Variants in PLEC observed in about 807,000 individuals in gnomAD.
PLEC encodes the protein hemidesmosomal protein 1.
In PLEC, 216 loss-of-function variants were observed where a neutral mutation model predicts 392.8. That is an observed-to-expected ratio of 0.55 (90% CI 0.49 to 0.62). The LOEUF (loss-of-function observed/expected upper bound fraction) is 0.62, where lower values mean the gene tolerates loss of function less well. Among genes scored for constraint, PLEC ranks in the 20% least tolerant of loss-of-function variants. PLEC has a pLI of 0.00. For synonymous variants in PLEC, 3,621 were observed against 2,980.6 expected, an observed-to-expected ratio of 1.21 and a Z score of -7.00; for missense variants, 6,863 against 6,563.4, an observed-to-expected ratio of 1.05 and a Z score of -1.58.
chr8:143,973,607 C>T (rs1476522919), upstream of PLEC: 45 of 883,080 alleles, frequency 5.1e-5, no homozygotes, highest in Non-Finnish European at 6.0e-5. The surrounding 1 kb of genome is among the most constrained non-coding windows in gnomAD (Gnocchi z 5.6). Context: ...CAGGATGCCC[C>T]ACGGGCGGGG....
chr8:143,939,687 G>C (rs1830064989), upstream of PLEC: 1 of 1,370,596 alleles, frequency 7.3e-7, no homozygotes, highest in Non-Finnish European at 9.5e-7. Context: ...CCGCCAGGGA[G>C]GGGAGTGTCC....
At chr8:143,942,210 G>A (rs1387386579), upstream of PLEC, among the ~76,000 whole-genome samples, 3 of 151,952 alleles carry the variant, frequency 2.0e-5, no homozygotes, top group Admixed American at 6.6e-5. Flanking sequence ...AACAAATGGG[G>A]GTAGGGGAAC....
chr8:143,973,984 C>G (rs1425297300), upstream of PLEC, among the ~76,000 whole-genome samples: 3 of 152,254 alleles, frequency 2.0e-5, no homozygotes, highest in African/African-American at 7.2e-5. The surrounding 1 kb of genome is among the most constrained non-coding windows in gnomAD (Gnocchi z 5.6). Context: ...ACTGGAATAG[C>G]CCATTCACAG....
Position 143,916,231 on chromosome 8 carries a change from G to C in PLEC, c.13590C>G (p.Arg4530=). ...SSYSSSGYGR[R]YASGSSASLG... ...GGGAGGCCGAGGACCCCGAGGCGTA[G>C]CGGCGGCCGTAGCCCGAGGAGGAGT... The change falls in exon 32 of 32, where the codon CGC becomes CGG. Residue 4530 remains arginine, a synonymous_variant. Transcript: ENST00000345136. The C allele has an allele frequency of 1.9e-6, 3 of 1,546,464 alleles. No individual in the cohort carries two copies. The highest frequency in any genetic ancestry group is 2.5e-5 in the East Asian group (1 of 40,768).
upstream of PLEC, chr8:143,958,698 T>G (rs1554739937): frequency 4.4e-6 from 2 of 452,570 alleles, no homozygotes; most frequent in Admixed American, 4.7e-5. The surrounding 1 kb of genome is among the most constrained non-coding windows in gnomAD (Gnocchi z 4.9). Context: ...AGGCACCTGC[T>G]CTGCTGCAGC....
chr8:143,932,744 G>C (rs1554718011), intron 14 of PLEC, 32 bp from the exon 15 acceptor site: 2 of 1,608,366 alleles, frequency 1.2e-6, no homozygotes, highest in Non-Finnish European at 1.7e-6. Context: ...GGTCTGCAGT[G>C]GCTGGGCCCG....
Position 143,927,682 on chromosome 8 carries a change from G to C in PLEC, c.3484C>G (p.Arg1162Gly), listed in dbSNP as rs782789262. 1 of 1,580,602 alleles carries C rather than the reference G, an allele frequency of 6.3e-7. No homozygotes were observed. The highest frequency in any genetic ancestry group is 8.6e-7 in the Non-Finnish European group (1 of 1,163,180). ...ELRGAQEVGE[R>G]LQQRHGERDV... is the part of the protein sequence containing the mutation. Reference sequence around the variant, plus strand: ...CGCTCCCCGTGCCGCTGCTGCAGTCGCTCCCCCACCTCCTGTGCCCCCCGC... The same window carrying C: ...CGCTCCCCGTGCCGCTGCTGCAGTCCCTCCCCCACCTCCTGTGCCCCCCGC... The change falls in exon 27 of 32, where the codon CGA becomes GGA. Residue 1162 changes from arginine (R) to glycine (G), a missense_variant. Coordinates refer to ENST00000345136, the MANE Select transcript of PLEC (RefSeq NM_201384.3).
upstream of PLEC, among the ~76,000 whole-genome samples, chr8:143,941,025 A>C (rs1830363025): frequency 6.6e-6 from 1 of 152,228 alleles, no homozygotes; most frequent in Non-Finnish European, 1.5e-5. Context: ...CGCACTGGTC[A>C]GCACCTCCAG....
intron 1 of PLEC, chr8:143,946,441 G>T: frequency 7.8e-7 from 1 of 1,276,870 alleles, no homozygotes; most frequent in Non-Finnish European, 1.0e-6. Flanking sequence ...GGAGGAAGGC[G>T]AGGCAGGAAG....
In PLEC at chr8:143,922,898, C is replaced by G. The variant is rs782566489; in HGVS notation, c.7031G>C (p.Arg2344Pro). Residue 2344 changes from arginine to proline, a missense_variant, in exon 31 of 32, where the codon CGG becomes CCG. Transcript: ENST00000345136. ...CTGCTCCTTGTCCTCCTGCAGCCGC[C>G]GCGCCTGCTCCTGCGCAAGCTCCTT... ...QQKELAQEQA[R>P]RLQEDKEQMA... 6.3e-7 allele frequency: 1 copy of G among 1,587,748 alleles called. No individual in the cohort carries two copies. Among genetic ancestry groups the G allele is most frequent in the South Asian group, 1.1e-5 (1 of 88,092 alleles).
Position 143,925,339 on chromosome 8 carries a change from C to T in PLEC, c.4590G>A (p.Glu1530=). The change falls in exon 31 of 32, where the codon GAG becomes GAA. Residue 1530 remains glutamate (E), a synonymous_variant. Transcript: ENST00000345136. ...RVKAEAEAAR[E]KQRALQALEE... ...CCAGGGCCTGCAGGGCCCGCTGCTT[C>T]TCGCGCGCCGCCTCGGCCTCGGCCT... 1 of 1,554,544 alleles carries T rather than the reference C, an allele frequency of 6.4e-7. No homozygotes were observed. Among genetic ancestry groups the T allele is most frequent in the African/African-American group, 1.4e-5 (1 of 73,594 alleles).
At chr8:143,950,235 T>C in exon 1 of PLEC, 1 of 1,560,362 alleles carries the variant, frequency 6.4e-7, no homozygotes, top group South Asian at 1.2e-5. Context: ...CGCTGGGTGG[T>C]AGCAGGCACC....
At chr8:143,961,806 C>T (rs1832884929) in intron 1 of PLEC, among the ~76,000 whole-genome samples, 1 of 152,170 alleles carries the variant, frequency 6.6e-6, no homozygotes, top group Non-Finnish European at 1.5e-5. Context: ...TTAACACACA[C>T]TAAAGAACAC....
chr8:143,925,174 G>C lies in PLEC; in HGVS notation c.4755C>G (p.Phe1585Leu). Residue 1585 changes from phenylalanine to leucine, a missense_variant, in exon 31 of 32, where the codon TTC (phenylalanine) becomes TTG (leucine). Coordinates refer to ENST00000345136, the MANE Select transcript of PLEC (RefSeq NM_201384.3). The part of the protein sequence containing the change: ...EAELQSKRAS[F>L]AEKTAQLERS... ...GCTCCAGCTGTGCCGTCTTCTCGGCGAAGGAGGCGCGTTTGCTCTGCAGCT... is the reference window on the plus strand; with the variant it reads ...GCTCCAGCTGTGCCGTCTTCTCGGCCAAGGAGGCGCGTTTGCTCTGCAGCT... 6.4e-7 allele frequency: 1 copy of C among 1,568,172 alleles called. No individual in the cohort carries two copies. The highest frequency in any genetic ancestry group is 2.3e-5 in the East Asian group (1 of 42,768).
At chr8:143,962,330 C>T (rs536366799) in intron 1 of PLEC, among the ~76,000 whole-genome samples, 13 of 152,176 alleles carry the variant, frequency 8.5e-5, no homozygotes, top group African/African-American at 1.7e-4. Context: ...AGGCTCTTCC[C>T]GGGTGCCTTC....
intron 1 of PLEC, among the ~76,000 whole-genome samples, chr8:143,962,911 G>A (rs1832932528): frequency 6.6e-6 from 1 of 152,214 alleles, no homozygotes; most frequent in Non-Finnish European, 1.5e-5. Flanking sequence ...TGGGATATCT[G>A]CAGCCTATTT....
chr8:143,934,216 G>A, intron 11 of PLEC, 102 bp downstream of exon 11: 3 of 1,593,800 alleles, frequency 1.9e-6, no homozygotes, highest in Middle Eastern at 1.7e-4. Context: ...GCGAGTGGGA[G>A]CTTGGGTTCC....
Position 143,917,019 on chromosome 8 carries a change from C to A in PLEC, c.12802G>T (p.Ala4268Ser), listed in dbSNP as rs368980785. 5.6e-6 allele frequency: 9 copies of A among 1,612,192 alleles called. No homozygotes were observed. The African/African-American group carries it at 1.1e-4, about 19-fold the overall frequency. ...ISPAVSRTQL[A>S]SWSDPTEETG... ...TCCTCAGTGGGGTCTGACCAGGAGGCCAGCTGGGTCCTGGAGACGGCGGGG... is the reference window on the plus strand; with the variant it reads ...TCCTCAGTGGGGTCTGACCAGGAGGACAGCTGGGTCCTGGAGACGGCGGGG... The change falls in exon 32 of 32, where the codon GCC becomes TCC. Residue 4268 changes from alanine (A) to serine (S), a missense_variant. Coordinates refer to ENST00000345136, the MANE Select transcript of PLEC (RefSeq NM_201384.3).
At chr8:143,945,626 G>A (rs1334080809) in intron 1 of PLEC, among the ~76,000 whole-genome samples, 1 of 152,184 alleles carries the variant, frequency 6.6e-6, no homozygotes, top group Non-Finnish European at 1.5e-5. Context: ...TACCATGAAG[G>A]CCTCATACAG....
Sources: gnomAD v4.1 joint callset for allele counts (sites outside exome capture counted in the v4.1 genomes callset) on GRCh38, gnomAD v4.1.1 for gene constraint, Gnocchi (gnomAD v3.1) non-coding constraint, MANE v1.5 for transcripts, NCBI Gene and HGNC (gene_info 2026-07-23, HGNC 2026-07-21) for gene names.